Variants in PRKCE observed in about 807,000 individuals in gnomAD.
The protein encoded by PRKCE is protein kinase C epsilon type.
A neutral mutation model predicts 85.4 loss-of-function variants in PRKCE; 16 were observed. The ratio of observed to expected loss-of-function variants is 0.19; its 90% CI spans 0.13 to 0.28. PRKCE has a LOEUF of 0.28. Among genes scored for constraint, PRKCE ranks in the 10% least tolerant of loss-of-function variants. The pLI is 1.00. For missense variants in PRKCE, 573 were observed against 975.2 expected (o/e 0.59, Z 5.49); for synonymous variants, 388 against 371.5 (o/e 1.04, Z -0.51).
chr2:45,652,519 G>C lies in PRKCE; in HGVS notation c.348+71G>C. 7.2e-7 allele frequency: 1 copy of C among 1,390,866 alleles called. No homozygotes were observed. Among genetic ancestry groups the C allele is most frequent in the Non-Finnish European group, 9.7e-7 (1 of 1,033,538 alleles). 86.2% of individuals were successfully genotyped at this position (1,390,866 alleles called of 1,614,324 possible). A position where few individuals can be genotyped will look rare whatever the true frequency, so the allele number is the denominator to read the frequency against. On this transcript the variant is annotated intron_variant, in intron 1 of 14. Transcript: ENST00000306156. This position sits in a 1 kb window ranked among gnomAD's most constrained non-coding sequence, Gnocchi z 7.7. ...TCCCGGGGAAAGACTCGCTGGTCTT[G>C]ATCGTAGGGCTCCGGGACTTATTGA...
At chr2:45,883,524 A>T (rs961567237) in intron 2 of PRKCE, among the ~76,000 whole-genome samples, 3 of 152,176 alleles carry the variant, frequency 2.0e-5, no homozygotes, top group Non-Finnish European at 2.9e-5. Flanking sequence ...CCTTCTCCGC[A>T]TGTGCCAGCC....
intron 2 of PRKCE, among the ~76,000 whole-genome samples, chr2:45,862,602 C>G (rs1414603716): frequency 6.6e-6 from 1 of 152,190 alleles, no homozygotes; most frequent in Admixed American, 6.5e-5. Context: ...GTCCCTGGAG[C>G]TGGGCTCAGT....
chr2:45,868,604 G>C (rs143712979), intron 2 of PRKCE, among the ~76,000 whole-genome samples: 1 of 150,372 alleles, frequency 6.7e-6, no homozygotes, highest in East Asian at 2.0e-4. Context: ...GATTATAGGC[G>C]TGAGCCACCA....
intron 1 of PRKCE, among the ~76,000 whole-genome samples, chr2:45,788,697 G>C (rs1686806855): frequency 6.6e-6 from 1 of 152,200 alleles, no homozygotes; most frequent in Admixed American, 6.5e-5. Context: ...GTCTGAAAGG[G>C]ATGTATGTGG....
intron 2 of PRKCE, among the ~76,000 whole-genome samples, chr2:45,964,631 C>CGAAT (rs370224334): frequency 8.5e-5 from 13 of 152,272 alleles, no homozygotes; most frequent in African/African-American, 2.6e-4. Context: ...AACGAATGGG[C>CGAAT]GAATGAATGA....
rs534835358 is a variant in PRKCE, at chr2:45,960,549, C to T, written c.413-15880C>T. On this transcript the variant is annotated intron_variant, in intron 2 of 14. Transcript: ENST00000306156. Reference sequence around the variant, plus strand: ...CGTGTGCAGTTTACAATAGGGTTCCCGCTCCTATGAGAATCTAATGCTGCT... The same window carrying T: ...CGTGTGCAGTTTACAATAGGGTTCCTGCTCCTATGAGAATCTAATGCTGCT... Among the ~76,000 whole-genome samples, 9 of 152,150 alleles carry T rather than the reference C, an allele frequency of 5.9e-5. No individual in the cohort carries two copies. In the South Asian group the frequency reaches 8.3e-4, roughly 14 times the overall value.
intron 2 of PRKCE, among the ~76,000 whole-genome samples, chr2:45,847,614 C>A (rs902516439): frequency 2.0e-5 from 3 of 152,126 alleles, no homozygotes; most frequent in African/African-American, 7.2e-5. Context: ...TGATGTGCTC[C>A]AGGCCAAAAG....
At chr2:45,704,108 G>T (rs1207525215) in intron 1 of PRKCE, among the ~76,000 whole-genome samples, 1 of 152,164 alleles carries the variant, frequency 6.6e-6, no homozygotes, top group Non-Finnish European at 1.5e-5. Context: ...AATAGAAAAG[G>T]GTCAAGGAAG....
chr2:46,184,788 G>A lies in PRKCE; in HGVS notation c.2121G>A (p.Pro707=), dbSNP rs768684565. Residue 707 remains proline (P), a synonymous_variant, in exon 15 of 15, where the codon CCG becomes CCA. Coordinates refer to ENST00000306156, the MANE Select transcript of PRKCE (RefSeq NM_005400.3). This position sits in a 1 kb window ranked among gnomAD's most constrained non-coding sequence, Gnocchi z 5.0. ...ACCAAGACTTTACCCGGGAAGAGCC[G>A]GTACTCACCCTTGTGGACGAAGCAA... ...NFDQDFTREE[P]VLTLVDEAIV... is the part of the protein sequence containing the mutation. The A allele has an allele frequency of 3.3e-5, 52 of 1,599,626 alleles. No homozygotes were observed. The highest frequency in any genetic ancestry group is 2.1e-4 in the South Asian group (19 of 91,084).
At chr2:45,948,870 G>A (rs1456939678) in intron 2 of PRKCE, among the ~76,000 whole-genome samples, 3 of 152,136 alleles carry the variant, frequency 2.0e-5, no homozygotes, top group African/African-American at 4.8e-5. Flanking sequence ...TGTACACATT[G>A]TTTTGTAACT....
chr2:46,169,108 G>A (rs3754562), intron 14 of PRKCE, among the ~76,000 whole-genome samples: 1 of 151,934 alleles, frequency 6.6e-6, no homozygotes, highest in African/African-American at 2.4e-5. Flanking sequence ...GACTGGGGGG[G>A]TGTGTTCTGC....
At chr2:45,998,466 A>G (rs929425834) in intron 6 of PRKCE, among the ~76,000 whole-genome samples, 10 of 152,140 alleles carry the variant, frequency 6.6e-5, no homozygotes, top group African/African-American at 2.4e-4. Context: ...AAATTAATTT[A>G]GCTTTTCTGC....
intron 10 of PRKCE, among the ~76,000 whole-genome samples, chr2:46,061,693 G>A (rs1399695325): frequency 6.6e-6 from 1 of 152,132 alleles, no homozygotes; most frequent in Non-Finnish European, 1.5e-5. Flanking sequence ...GATTCCCGGA[G>A]TAGCATTTTA....
chr2:45,809,701 T>C (rs1323953026), intron 1 of PRKCE, among the ~76,000 whole-genome samples: 1 of 149,964 alleles, frequency 6.7e-6, no homozygotes, highest in South Asian at 2.1e-4. Flanking sequence ...CTGGCCAACA[T>C]GGTGAAACCC....
At chr2:45,840,285 C>A (rs1691241471) in intron 1 of PRKCE, 1 of 152,138 alleles carries the variant, frequency 6.6e-6, no homozygotes, top group Admixed American at 6.5e-5. Context: ...GCAAGAGGGC[C>A]CCTGATATTT....
In PRKCE at chr2:45,986,677, G is replaced by C. The variant is rs141081189; in HGVS notation, c.823+1997G>C. Reference sequence around the variant, plus strand: ...GTGGGGGTGTGAGAGGCACGAGGAGGGTGGTGAGGGCTGGAAATAGCAATT... The same window carrying C: ...GTGGGGGTGTGAGAGGCACGAGGAGCGTGGTGAGGGCTGGAAATAGCAATT... On this transcript the variant is annotated intron_variant, in intron 6 of 14. Coordinates refer to ENST00000306156, the MANE Select transcript of PRKCE (RefSeq NM_005400.3). 2.2e-3 allele frequency among the ~76,000 whole-genome samples: 330 copies of C among 152,322 alleles called. 1 individual carries two copies. Among genetic ancestry groups the C allele is most frequent in the African/African-American group, 7.5e-3 (310 of 41,566 alleles).
rs199686736 is a variant in PRKCE, at chr2:46,156,005, A to AT, written c.1921-3601_1921-3600insT. 4.5e-3 allele frequency among the ~76,000 whole-genome samples: 596 copies of AT among 132,366 alleles called. 9 individuals are homozygous for AT. The highest frequency in any genetic ancestry group is 0.025 in the Admixed American group (346 of 13,734). 86.8% of individuals were successfully genotyped at this position (132,366 alleles called of 152,430 possible). ...ATGTACCCTAAAACTTAAAGTATAT[A>AT]AAAAAAAAAAAAACTTCATGTACAA... On this transcript the variant is annotated intron_variant, in intron 13 of 14. Coordinates refer to ENST00000306156, the MANE Select transcript of PRKCE (RefSeq NM_005400.3).
intron 1 of PRKCE, among the ~76,000 whole-genome samples, chr2:45,734,422 G>A (rs1466977969): frequency 6.6e-6 from 1 of 152,074 alleles, no homozygotes; most frequent in Non-Finnish European, 1.5e-5. Context: ...AGTTGAGCCT[G>A]ATTTTACGTA....
chr2:46,029,885 A>C (rs1209022013), intron 10 of PRKCE, among the ~76,000 whole-genome samples: 2 of 152,114 alleles, frequency 1.3e-5, no homozygotes, highest in South Asian at 4.1e-4. Context: ...TTGTACCAGA[A>C]GACTCCATGA....
Sources: gnomAD v4.1 joint callset for allele counts (sites outside exome capture counted in the v4.1 genomes callset) on GRCh38, gnomAD v4.1.1 for gene constraint, Gnocchi (gnomAD v3.1) non-coding constraint, MANE v1.5 for transcripts, NCBI Gene and HGNC (gene_info 2026-07-23, HGNC 2026-07-21) for gene names.